Variants in SMOC2 observed in about 807,000 individuals in gnomAD.
The protein encoded by SMOC2 is SPARC related modular calcium binding 2.
Under a neutral mutation model 61.4 loss-of-function variants are expected in SMOC2, and 39 were observed. That is an observed-to-expected ratio of 0.64 (90% CI 0.49 to 0.83). The LOEUF (loss-of-function observed/expected upper bound fraction) is 0.83, where lower values mean the gene tolerates loss of function less well. SMOC2 is among the 40% of genes least tolerant of loss of function. The pLI, the probability that SMOC2 is intolerant of heterozygous loss-of-function variation, is 0.00. For synonymous variants in SMOC2, 247 were observed against 239.9 expected, an observed-to-expected ratio of 1.03 and a Z score of -0.27; for missense variants, 556 against 592.9, an observed-to-expected ratio of 0.94 and a Z score of 0.65.
intron 2 of SMOC2, among the ~76,000 whole-genome samples, chr6:168,516,881 G>C (rs1244888116): frequency 1.3e-5 from 2 of 152,212 alleles, no homozygotes; most frequent in Non-Finnish European, 2.9e-5. Context: ...TTGAACCCGG[G>C]AGGTGGAGGT....
At chr6:168,514,103 A>T (rs1042670230) in intron 2 of SMOC2, among the ~76,000 whole-genome samples, 3 of 152,160 alleles carry the variant, frequency 2.0e-5, no homozygotes, top group Middle Eastern at 3.4e-3. Flanking sequence ...TAAGCACAGG[A>T]CCCCAAAGTG....
chr6:168,444,858 T>C (rs1781296498), intron 1 of SMOC2, among the ~76,000 whole-genome samples: 1 of 152,198 alleles, frequency 6.6e-6, no homozygotes, highest in South Asian at 2.1e-4. Flanking sequence ...CTAGGTGATT[T>C]CTTTAAAGGC....
At chr6:168,630,044 C>G (rs1338688300) in intron 9 of SMOC2, among the ~76,000 whole-genome samples, 1 of 152,190 alleles carries the variant, frequency 6.6e-6, no homozygotes, top group Non-Finnish European at 1.5e-5. Flanking sequence ...CTGGGGCTGC[C>G]TGTCCTGTCG....
At chr6:168,644,905 C>T (rs745943151) in intron 9 of SMOC2, among the ~76,000 whole-genome samples, 9 of 152,162 alleles carry the variant, frequency 5.9e-5, no homozygotes, top group Non-Finnish European at 1.2e-4. Flanking sequence ...CCACCTCAGC[C>T]TCCCAAAGTG....
At chr6:168,442,561 A>G (rs1235614935) in intron 1 of SMOC2, among the ~76,000 whole-genome samples, 2 of 152,256 alleles carry the variant, frequency 1.3e-5, no homozygotes, top group Admixed American at 1.3e-4. Flanking sequence ...GAAGGTAGTG[A>G]GAACGCCTCT....
intron 1 of SMOC2, among the ~76,000 whole-genome samples, chr6:168,509,120 G>A (rs536673877): frequency 1.6e-4 from 25 of 152,170 alleles, no homozygotes; most frequent in Non-Finnish European, 2.9e-4. Context: ...GGGCCAGCAC[G>A]CCCAGATCGG....
intron 9 of SMOC2, among the ~76,000 whole-genome samples, chr6:168,617,608 A>C (rs1385049132): frequency 1.3e-5 from 2 of 152,190 alleles, no homozygotes; most frequent in Non-Finnish European, 2.9e-5. Context: ...GCTCTCTTGC[A>C]TCTCGCTGGC....
chr6:168,568,083 A>G (rs1784583836), intron 7 of SMOC2, among the ~76,000 whole-genome samples: 1 of 150,668 alleles, frequency 6.6e-6, no homozygotes, highest in Non-Finnish European at 1.5e-5. Flanking sequence ...TCGGTGTCTC[A>G]TATTAGAATT....
intron 11 of SMOC2, among the ~76,000 whole-genome samples, chr6:168,658,281 G>A (rs897883042): frequency 6.6e-6 from 1 of 152,208 alleles, no homozygotes; most frequent in Non-Finnish European, 1.5e-5. Flanking sequence ...TGTGGCACCT[G>A]GGGGCTTCCT....
intron 7 of SMOC2, among the ~76,000 whole-genome samples, chr6:168,586,091 A>G (rs1453675009): frequency 6.6e-6 from 1 of 152,074 alleles, no homozygotes; most frequent in Non-Finnish European, 1.5e-5. Flanking sequence ...AATAGTCTCC[A>G]TATTTTCTTT....
intron 9 of SMOC2, among the ~76,000 whole-genome samples, chr6:168,619,095 C>T (rs1786179038): frequency 1.3e-5 from 2 of 152,126 alleles, no homozygotes; most frequent in South Asian, 2.1e-4. Context: ...TGAGCAGCGC[C>T]GGTGACCGCA....
intron 8 of SMOC2, among the ~76,000 whole-genome samples, chr6:168,599,386 ACT>A (rs201032092): frequency 0.012 from 1,328 of 112,778 alleles, 43 homozygotes; most frequent in Admixed American, 0.067. Context: ...ACACACCCAC[ACT>A]CACACACACA....
chr6:168,620,035 T>G (rs1786205724), intron 9 of SMOC2, among the ~76,000 whole-genome samples: 3 of 152,222 alleles, frequency 2.0e-5, no homozygotes, highest in Admixed American at 2.0e-4. Context: ...GGTCTTCAGA[T>G]CCCCTGCACC....
intron 2 of SMOC2, among the ~76,000 whole-genome samples, chr6:168,520,073 C>T (rs1011257572): frequency 1.3e-5 from 2 of 152,150 alleles, no homozygotes; most frequent in East Asian, 1.9e-4. Flanking sequence ...TGGACGGATG[C>T]GCTAGTCTGC....
intron 2 of SMOC2, among the ~76,000 whole-genome samples, chr6:168,521,989 T>G (rs1448573313): frequency 2.0e-5 from 3 of 152,188 alleles, no homozygotes; most frequent in Non-Finnish European, 4.4e-5. Context: ...ATGACAAAAT[T>G]CACATAAGAA....
chr6:168,598,508 C>G (rs1020232290), intron 7 of SMOC2, among the ~76,000 whole-genome samples: 1 of 152,200 alleles, frequency 6.6e-6, no homozygotes, highest in Non-Finnish European at 1.5e-5. Flanking sequence ...CAGATCTGCT[C>G]CTGGATCCCC....
At chr6:168,515,792 CG>C (rs780072851) in intron 2 of SMOC2, among the ~76,000 whole-genome samples, 1 of 152,224 alleles carries the variant, frequency 6.6e-6, no homozygotes, top group African/African-American at 2.4e-5. Context: ...AGAACAGACA[CG>C]GGGCTTGGTG....
chr6:168,540,785 T>G (rs1202101242), intron 4 of SMOC2, among the ~76,000 whole-genome samples: 1 of 152,192 alleles, frequency 6.6e-6, no homozygotes, highest in Non-Finnish European at 1.5e-5. Flanking sequence ...CTCCCTCATC[T>G]GATGCTGTAA....
chr6:168,661,024 A>G (rs1451053316), intron 11 of SMOC2, among the ~76,000 whole-genome samples: 1 of 152,222 alleles, frequency 6.6e-6, no homozygotes, highest in South Asian at 2.1e-4. Context: ...GCAGTTTGGC[A>G]AAAGAGGCAA....
Sources: gnomAD v4.1 joint callset for allele counts (sites outside exome capture counted in the v4.1 genomes callset) on GRCh38, gnomAD v4.1.1 for gene constraint, MANE v1.5 for transcripts, NCBI Gene and HGNC (gene_info 2026-07-23, HGNC 2026-07-21) for gene names.